Variants in CNTN5 observed in about 807,000 individuals in gnomAD.
The protein encoded by CNTN5 is contactin 5.
In CNTN5, 77 loss-of-function variants were observed where a neutral mutation model predicts 129.1. The ratio of observed to expected loss-of-function variants is 0.60; its 90% CI spans 0.50 to 0.72. CNTN5 has a LOEUF of 0.72. CNTN5 is among the 30% of genes least tolerant of loss of function. CNTN5 has a pLI of 0.00. For synonymous variants in CNTN5, 509 were observed against 465.6 expected (o/e 1.09, Z -1.20); for missense variants, 1,478 against 1,328.8 (o/e 1.11, Z -1.75).
intron 10 of CNTN5, among the ~76,000 whole-genome samples, chr11:100,065,028 G>A (rs140366344): frequency 7.4e-4 from 113 of 152,052 alleles, no homozygotes; most frequent in African/African-American, 2.4e-3. Flanking sequence ...CTATAAAGAC[G>A]GTCACTATGA....
At chr11:99,104,030 A>G (rs901073047) in intron 1 of CNTN5, among the ~76,000 whole-genome samples, 2 of 152,170 alleles carry the variant, frequency 1.3e-5, no homozygotes, top group African/African-American at 2.4e-5. Flanking sequence ...GAATTCTTTT[A>G]TGGCAGACCT....
intron 1 of CNTN5, among the ~76,000 whole-genome samples, chr11:99,243,832 T>G (rs1861686294): frequency 6.6e-6 from 1 of 151,770 alleles, no homozygotes; most frequent in African/African-American, 2.4e-5. Context: ...TGCCTTTTTT[T>G]CTTTTGCCAG....
chr11:99,215,403 A>G (rs1860064572), intron 1 of CNTN5, among the ~76,000 whole-genome samples: 1 of 152,146 alleles, frequency 6.6e-6, no homozygotes, highest in South Asian at 2.1e-4. Flanking sequence ...GATCAAAGAA[A>G]CAAATAGATT....
intron 4 of CNTN5, among the ~76,000 whole-genome samples, chr11:99,839,029 T>G (rs1294067483): frequency 6.6e-6 from 1 of 152,108 alleles, no homozygotes; most frequent in Non-Finnish European, 1.5e-5. Flanking sequence ...ACAAGTAGGT[T>G]TGGAAAAATT....
At chr11:99,728,023 A>G (rs566624955) in intron 3 of CNTN5, among the ~76,000 whole-genome samples, 15 of 152,334 alleles carry the variant, frequency 9.8e-5, no homozygotes, top group African/African-American at 3.4e-4. Flanking sequence ...AACTAAATCA[A>G]TCATTTTATT....
chr11:100,016,055 T>A, intron 9 of CNTN5, among the ~76,000 whole-genome samples: 1 of 152,134 alleles, frequency 6.6e-6, no homozygotes, highest in Non-Finnish European at 1.5e-5. Flanking sequence ...GAGAAAACTT[T>A]CTCTTATGTC....
In CNTN5 at chr11:100,191,186, A is replaced by G; in HGVS notation, c.1641A>G (p.Gly547=). The G allele has an allele frequency of 6.2e-7, 1 of 1,611,876 alleles. No individual in the cohort carries two copies. Among genetic ancestry groups the G allele is most frequent in the Non-Finnish European group, 8.5e-7 (1 of 1,178,396 alleles). The part of the protein sequence containing the change: ...RILNASKSDE[G]KYVCRGENVF... ...TAAATGCTTCCAAATCAGACGAGGG[A>G]AAGTACGTTTGCCGAGGGGAAAACG... The change falls in exon 14 of 25, where the codon GGA becomes GGG. Residue 547 remains glycine (G), a synonymous_variant. Transcript: ENST00000524871.
At chr11:99,838,864 T>C (rs1479063536) in intron 4 of CNTN5, among the ~76,000 whole-genome samples, 2 of 152,158 alleles carry the variant, frequency 1.3e-5, no homozygotes, top group Admixed American at 6.6e-5. Context: ...AGAAGTAATA[T>C]AGTATGCCTT....
intron 1 of CNTN5, among the ~76,000 whole-genome samples, chr11:99,182,479 T>C (rs1040600771): frequency 6.6e-6 from 1 of 151,954 alleles, no homozygotes; most frequent in South Asian, 2.1e-4. Flanking sequence ...AATTCACTAA[T>C]AAATTATGGA....
intron 20 of CNTN5, among the ~76,000 whole-genome samples, chr11:100,301,767 C>A: frequency 6.6e-6 from 1 of 151,642 alleles, no homozygotes; most frequent in African/African-American, 2.4e-5. Context: ...GTTTATTCAC[C>A]TCTCTGAGGC....
chr11:100,071,493 T>A (rs564531936), intron 11 of CNTN5, among the ~76,000 whole-genome samples: 72 of 152,270 alleles, frequency 4.7e-4, no homozygotes, highest in African/African-American at 1.7e-3. Flanking sequence ...TACAAAAAAA[T>A]TGTAATTTCT....
intron 4 of CNTN5, among the ~76,000 whole-genome samples, chr11:99,841,869 TATACAC>T (rs1464051680): frequency 2.4e-5 from 2 of 83,128 alleles, no homozygotes; most frequent in South Asian, 3.5e-4. Flanking sequence ...TACACACATA[TATACAC>T]ATACATATAC....
intron 2 of CNTN5, among the ~76,000 whole-genome samples, chr11:99,404,497 T>A (rs1485286731): frequency 1.6e-5 from 1 of 64,338 alleles, no homozygotes; most frequent in African/African-American, 1.3e-4. Context: ...GTTTCTTGCT[T>A]TTTATTTTTT....
rs1203967460 is a variant in CNTN5, at chr11:99,672,737, T to C, written c.55+116468T>C. Among the ~76,000 whole-genome samples the C allele has an allele frequency of 2.0e-5, 3 of 151,658 alleles. No homozygotes were observed. In the Admixed American group the frequency reaches 2.0e-4, roughly 10 times the overall value. ...ATCAAGCCCTTTGACTTAATAACCT[T>C]CATTTTAAAAATTACATTCTAGCTG... On this transcript the variant is annotated intron_variant, in intron 3 of 24. Coordinates refer to ENST00000524871, the MANE Select transcript of CNTN5 (RefSeq NM_014361.4).
intron 2 of CNTN5, among the ~76,000 whole-genome samples, chr11:99,528,245 A>G (rs978074566): frequency 1.3e-5 from 2 of 152,216 alleles, no homozygotes; most frequent in Admixed American, 1.3e-4. Flanking sequence ...CAAAAGCACA[A>G]CAATACTTCC....
chr11:100,240,567 T>C (rs909475737), intron 16 of CNTN5, among the ~76,000 whole-genome samples: 6 of 152,202 alleles, frequency 3.9e-5, no homozygotes, highest in Admixed American at 6.5e-5. Flanking sequence ...TAGGAGAATA[T>C]TGATTTGCTC....
At chr11:99,973,133 T>A (rs1452181037) in intron 8 of CNTN5, among the ~76,000 whole-genome samples, 1 of 152,158 alleles carries the variant, frequency 6.6e-6, no homozygotes, top group Non-Finnish European at 1.5e-5. Flanking sequence ...CTCCCTTAGA[T>A]ATTCTGATGC....
At chr11:99,989,773 T>G (rs572040689) in intron 8 of CNTN5, among the ~76,000 whole-genome samples, 57 of 152,336 alleles carry the variant, frequency 3.7e-4, no homozygotes, top group African/African-American at 1.2e-3. Flanking sequence ...CTATCTTTTT[T>G]TGTGTGTGAG....
chr11:99,851,101 G>C (rs1169210282), intron 6 of CNTN5, among the ~76,000 whole-genome samples: 1 of 150,446 alleles, frequency 6.6e-6, no homozygotes, highest in Non-Finnish European at 1.5e-5. Context: ...CCTGCCTCAT[G>C]GGCTTAAATG....
Sources: gnomAD v4.1 joint callset for allele counts (sites outside exome capture counted in the v4.1 genomes callset) on GRCh38, gnomAD v4.1.1 for gene constraint, MANE v1.5 for transcripts, NCBI Gene and HGNC (gene_info 2026-07-23, HGNC 2026-07-21) for gene names.